The following PLCB4 variants were observed in gnomAD, a reference collection of about 807,000 sequenced individuals.
PLCB4 encodes the protein 1-phosphatidylinositol 4,5-bisphosphate phosphodiesterase beta-4.
A neutral mutation model predicts 178.8 loss-of-function variants in PLCB4; 77 were observed. The observed-to-expected ratio is 0.43, with a 90% CI of 0.36 to 0.52. PLCB4 has a LOEUF of 0.52. PLCB4 is among the 20% of genes least tolerant of loss of function. PLCB4 has a pLI of 0.00. For missense variants in PLCB4, 1,024 were observed against 1,453.4 expected (o/e 0.70, Z 4.80); for synonymous variants, 496 against 490.8 (o/e 1.01, Z -0.14).
chr20:9,167,384 T>C (rs752646777), intron 2 of PLCB4, among the ~76,000 whole-genome samples: 88 of 152,346 alleles, frequency 5.8e-4, no homozygotes, highest in Middle Eastern at 6.8e-3. Context: ...TAATTCATTT[T>C]TCTTTTTCAT....
At position 9,183,813 on chromosome 20, in the gene PLCB4, C is replaced by T. The variant is rs571371087; in HGVS notation, c.-78-33577C>T. On this transcript the variant is annotated intron_variant, in intron 2 of 39. Coordinates refer to ENST00000378473, the MANE Select transcript of PLCB4 (RefSeq NM_001377142.1). The stretch of plus-strand genomic sequence containing the variant: ...CTCACTGGTATTAGGCTGAACCATA[C>T]GAAATTGCTGTTTTTGTTGATCAAA... Among the ~76,000 whole-genome samples, 203 of 152,106 alleles carry T rather than the reference C, an allele frequency of 1.3e-3. 1 individual carries two copies. The highest frequency in any genetic ancestry group is 6.8e-3 in the Middle Eastern group (2 of 292).
chr20:9,211,960 G>A (rs1216513001), intron 2 of PLCB4, among the ~76,000 whole-genome samples: 1 of 152,206 alleles, frequency 6.6e-6, no homozygotes, highest in Non-Finnish European at 1.5e-5. Flanking sequence ...TAATGCTATG[G>A]TCGATTGTAA....
rs2039020821 is a variant in PLCB4, at chr20:9,401,500, G to T, written c.1521G>T (p.Glu507Asp). The T allele has an allele frequency of 6.2e-7, 1 of 1,612,782 alleles. No homozygotes were observed. Residue 507 changes from glutamate to aspartate, a missense_variant, in exon 20 of 40, where the codon GAG becomes GAT. Glu to Asp is a conservative substitution (Grantham distance 45). This residue lies in a region of PLCB4 where 263 missense variants were observed against 417.4 expected (regional missense o/e 0.63). Coordinates refer to ENST00000378473, the MANE Select transcript of PLCB4 (RefSeq NM_001377142.1). ...TTGTCTTTCACACAGCTGACCAAGA[G>T]GAGGAAGCTCACCCCGAATTCAAAT... ...NEEEIESADQ[E>D]EEAHPEFKFG... is the part of the protein sequence containing the mutation.
chr20:9,096,995 C>T (rs1371759201), intron 2 of PLCB4, among the ~76,000 whole-genome samples: 3 of 151,804 alleles, frequency 2.0e-5, no homozygotes, highest in African/African-American at 4.8e-5. Context: ...AATGCAGTGG[C>T]GTGATCTTGG....
At chr20:9,411,228 T>C (rs920769098) in intron 25 of PLCB4, 140 bp downstream of exon 25, 2 of 620,116 alleles carry the variant, frequency 3.2e-6, no homozygotes, top group East Asian at 2.8e-5. Context: ...ATGAAATACC[T>C]AGAGAATATT....
rs574638435 is a variant in PLCB4, at chr20:9,402,838, G to A, written c.1611+1248G>A. ...ACCATTTACTGGCATGGGGAAGACC[G>A]AAAGAGAAAGAATTCAGGAGTTTCA... is the stretch of plus-strand genomic sequence containing the variant. On this transcript the variant is annotated intron_variant, in intron 20 of 39. Coordinates refer to ENST00000378473, the MANE Select transcript of PLCB4 (RefSeq NM_001377142.1). Among the ~76,000 whole-genome samples the A allele has an allele frequency of 9.2e-5, 14 of 152,302 alleles. No homozygotes were observed. The East Asian group carries it at 1.4e-3, about 15-fold the overall frequency.
Position 9,395,570 on chromosome 20 carries a change from T to G in PLCB4, c.1462T>G (p.Ser488Ala), listed in dbSNP as rs185740474. Residue 488 changes from serine to alanine, a missense_variant, in exon 19 of 40, where the codon TCC (serine) becomes GCC (alanine). Physicochemically the swap from Ser to Ala is moderately conservative, Grantham distance 99. This residue lies in a region of PLCB4 where 263 missense variants were observed against 417.4 expected (regional missense o/e 0.63). Coordinates refer to ENST00000378473, the MANE Select transcript of PLCB4 (RefSeq NM_001377142.1). ...CATGATGGAAGCTGGAGAATCTGCC[T>G]CCCCAGCAAACATCTTAGAGGACGA... is the stretch of plus-strand genomic sequence containing the variant. ...RSMMEAGESA[S>A]PANILEDDNE... is the part of the protein sequence containing the mutation. The G allele has an allele frequency of 2.0e-4, 329 of 1,613,824 alleles. 2 individuals carry two copies. The East Asian group carries it at 7.2e-3, about 36-fold the overall frequency.
chr20:9,476,762 G>T lies in PLCB4; in HGVS notation c.3532+9G>T, dbSNP rs369645694. ...AGTGTCCCAAACGCAAGGTAGGACC[G>T]AAACTCTGATAAGCAAGACGTTGCT... On this transcript the variant is annotated intron_variant, in intron 39 of 39. Transcript: ENST00000378473. 3.8e-6 allele frequency: 6 copies of T among 1,597,998 alleles called. No homozygotes were observed. In the Admixed American group the frequency reaches 5.0e-5, roughly 13 times the overall value.
intron 4 of PLCB4, among the ~76,000 whole-genome samples, chr20:9,329,134 A>T (rs940678144): frequency 1.3e-5 from 2 of 152,170 alleles, no homozygotes; most frequent in Non-Finnish European, 2.9e-5. Flanking sequence ...AAAAGGGAAG[A>T]TGGAGCCTCC....
intron 10 of PLCB4, among the ~76,000 whole-genome samples, chr20:9,371,869 A>C (rs1487892465): frequency 6.6e-6 from 1 of 152,248 alleles, no homozygotes; most frequent in Non-Finnish European, 1.5e-5. Flanking sequence ...CAGTTTGAAA[A>C]GTAAAATCTT....
chr20:9,283,481 C>A (rs1433998133), intron 3 of PLCB4, among the ~76,000 whole-genome samples: 1 of 151,888 alleles, frequency 6.6e-6, no homozygotes, highest in Non-Finnish European at 1.5e-5. Flanking sequence ...GTTTCAGAAG[C>A]AAGATGCTGT....
At chr20:9,343,780 G>A (rs2033498336) in intron 7 of PLCB4, among the ~76,000 whole-genome samples, 1 of 152,158 alleles carries the variant, frequency 6.6e-6, no homozygotes, top group Non-Finnish European at 1.5e-5. Context: ...CTCAACAAAT[G>A]TGCTCTCAGT....
chr20:9,436,056 T>C (rs1337633489), intron 29 of PLCB4, among the ~76,000 whole-genome samples: 1 of 152,252 alleles, frequency 6.6e-6, no homozygotes, highest in East Asian at 1.9e-4. Context: ...AGTTTCACTG[T>C]ACATAAACTT....
chr20:9,438,072 G>C (rs1330082086), intron 30 of PLCB4, among the ~76,000 whole-genome samples: 1 of 152,102 alleles, frequency 6.6e-6, no homozygotes, highest in African/African-American at 2.4e-5. Context: ...ATAGAAATAA[G>C]TTGGCAGCTT....
At chr20:9,428,572 G>C (rs1221718142) in intron 28 of PLCB4, among the ~76,000 whole-genome samples, 1 of 152,176 alleles carries the variant, frequency 6.6e-6, no homozygotes, top group Non-Finnish European at 1.5e-5. Flanking sequence ...TGCAGTTTGA[G>C]AAATGCTTAA....
chr20:9,231,291 C>T (rs749969396), intron 3 of PLCB4, among the ~76,000 whole-genome samples: 27 of 152,118 alleles, frequency 1.8e-4, no homozygotes, highest in Non-Finnish European at 2.8e-4. Context: ...CCAGGGGAAA[C>T]CTCCAGCTAT....
intron 30 of PLCB4, among the ~76,000 whole-genome samples, chr20:9,441,022 G>C (rs185400160): frequency 9.2e-4 from 140 of 152,290 alleles, no homozygotes; most frequent in Non-Finnish European, 1.5e-3. Flanking sequence ...GTAAAGTAGA[G>C]ATGAAGATTT....
At chr20:9,223,290 T>C (rs1044153125) in intron 3 of PLCB4, among the ~76,000 whole-genome samples, 5 of 152,156 alleles carry the variant, frequency 3.3e-5, no homozygotes, top group Non-Finnish European at 5.9e-5. Flanking sequence ...AGAGTCGAAT[T>C]TTGCAGTACA....
rs377715774 is a variant in PLCB4, at chr20:9,459,094, G to A, written c.3073-541G>A. 6.1e-4 allele frequency among the ~76,000 whole-genome samples: 93 copies of A among 152,252 alleles called. 1 individual carries two copies. The highest frequency in any genetic ancestry group is 3.4e-3 in the Middle Eastern group (1 of 294). On this transcript the variant is annotated intron_variant, in intron 34 of 39. Transcript: ENST00000378473. ...TGTGGTGGCTCACGCCTGTAATCCC[G>A]GCACTCTGGGAGGCCGAGGCAGGTG...
Sources: allele counts gnomAD v4.1 joint callset (sites outside exome capture counted in the v4.1 genomes callset), GRCh38; gene constraint gnomAD v4.1.1; regional missense constraint gnomAD v4.1.1; transcripts MANE v1.5; gene names NCBI Gene and HGNC (gene_info 2026-07-23, HGNC 2026-07-21).